Variants in TRPC4 observed in about 807,000 individuals in gnomAD.
TRPC4 encodes short transient receptor potential channel 4.
In TRPC4, 49 loss-of-function variants were observed where a neutral mutation model predicts 99.4. That is an observed-to-expected ratio of 0.49 (90% CI 0.39 to 0.63). The LOEUF (loss-of-function observed/expected upper bound fraction) is 0.63. TRPC4 is among the 20% of genes least tolerant of loss of function. TRPC4 has a pLI of 0.00. For missense variants in TRPC4, 898 were observed against 1,152.9 expected (o/e 0.78, Z 3.20); for synonymous variants, 454 against 425.9 (o/e 1.07, Z -0.81).
intron 1 of TRPC4, among the ~76,000 whole-genome samples, chr13:37,827,341 G>A (rs1238724433): frequency 1.3e-5 from 2 of 152,226 alleles, no homozygotes; most frequent in East Asian, 3.9e-4. Flanking sequence ...TCGAGGTGGA[G>A]AGGCGCTCTG....
intron 1 of TRPC4, among the ~76,000 whole-genome samples, chr13:37,820,153 C>G (rs2139526244): frequency 6.6e-6 from 1 of 152,002 alleles, no homozygotes; most frequent in East Asian, 1.9e-4. Context: ...TCCTTAGAGT[C>G]TATTTTAAAC....
At chr13:37,857,079 T>C (rs1959180221) in intron 1 of TRPC4, among the ~76,000 whole-genome samples, 1 of 151,480 alleles carries the variant, frequency 6.6e-6, no homozygotes, top group Non-Finnish European at 1.5e-5. Flanking sequence ...TTCAATAAAC[T>C]TGCAAGATAC....
intron 3 of TRPC4, among the ~76,000 whole-genome samples, chr13:37,722,708 A>G (rs1394496049): frequency 2.0e-5 from 3 of 152,342 alleles, no homozygotes; most frequent in Non-Finnish European, 4.4e-5. Flanking sequence ...CACATAAGCG[A>G]TAAATACATT....
At position 37,744,925 on chromosome 13, in the gene TRPC4, T is replaced by C. The variant is rs1042737969; in HGVS notation, c.897+1012A>G. Among the ~76,000 whole-genome samples, 7 of 152,132 alleles carry C rather than the reference T, an allele frequency of 4.6e-5. No homozygotes were observed. In the East Asian group the frequency reaches 1.4e-3, roughly 29 times the overall value. On this transcript the variant is annotated intron_variant, in intron 3 of 10. Transcript: ENST00000379705. ...CTGTTATTTAATACAGCATTTTTAA[T>C]ATATGGAAATTTTACAAGAAATTTA...
intron 1 of TRPC4, among the ~76,000 whole-genome samples, chr13:37,847,253 C>T (rs1480568999): frequency 1.3e-5 from 2 of 151,982 alleles, no homozygotes; most frequent in African/African-American, 4.8e-5. Context: ...TTCTCAAGTG[C>T]ATATGGAACA....
intron 1 of TRPC4, among the ~76,000 whole-genome samples, chr13:37,862,207 C>A (rs1959390901): frequency 6.6e-6 from 1 of 151,292 alleles, no homozygotes; most frequent in Non-Finnish European, 1.5e-5. Context: ...TGGTGAGAAT[C>A]CAGGTCATTA....
intron 10 of TRPC4, 107 bp from the exon 11 acceptor site, chr13:37,637,732 C>G: frequency 9.0e-7 from 1 of 1,108,088 alleles, no homozygotes; most frequent in Non-Finnish European, 1.3e-6. Context: ...TTTTTAAAAA[C>G]AAGGATTCTA....
At chr13:37,699,232 A>G (rs144519379) in intron 3 of TRPC4, among the ~76,000 whole-genome samples, 1,703 of 152,290 alleles carry the variant, frequency 0.011, 28 homozygotes, top group African/African-American at 0.039. Context: ...AGGTCATAGT[A>G]TATGTTCAAT....
Position 37,637,593 on chromosome 13 carries a change from A to C in TRPC4, c.2244T>G (p.Phe748Leu). The stretch of plus-strand genomic sequence containing the variant: ...TTCCTCTTAGTAATCCCAGGACTTC[A>C]AAGCGGAAACTAGAAATGTCTTGCT... The part of the protein sequence containing the change: ...ELKQDISSFR[F>L]EVLGLLRGSK... The change falls in exon 11 of 11, where the codon TTT (phenylalanine) becomes TTG (leucine). Residue 748 changes from phenylalanine (F) to leucine (L), a missense_variant. Around this residue, in one of 3 missense-constraint regions of TRPC4, gnomAD observed 346 missense variants for 351.4 expected, o/e 0.98. Transcript: ENST00000379705. 1 of 1,597,120 alleles carries C rather than the reference A, an allele frequency of 6.3e-7. No homozygotes were observed. The highest frequency in any genetic ancestry group is 1.1e-5 in the South Asian group (1 of 87,982).
chr13:37,837,456 C>A (rs1958597778), intron 1 of TRPC4, among the ~76,000 whole-genome samples: 1 of 152,226 alleles, frequency 6.6e-6, no homozygotes, highest in African/African-American at 2.4e-5. Flanking sequence ...CCTCTTACCT[C>A]AGCATGACCT....
At chr13:37,769,256 C>T (rs1956478922) in intron 2 of TRPC4, among the ~76,000 whole-genome samples, 2 of 151,354 alleles carry the variant, frequency 1.3e-5, no homozygotes, top group African/African-American at 4.8e-5. Context: ...CAAATATTCA[C>T]CAGGTGGCAG....
intron 3 of TRPC4, among the ~76,000 whole-genome samples, chr13:37,707,939 C>A (rs1177499786): frequency 2.6e-5 from 4 of 152,074 alleles, no homozygotes; most frequent in African/African-American, 9.7e-5. Flanking sequence ...TGTGCCTTTT[C>A]ACTTTGGACA....
intron 3 of TRPC4, among the ~76,000 whole-genome samples, chr13:37,738,678 A>G (rs74973632): frequency 6.6e-6 from 1 of 152,168 alleles, no homozygotes; most frequent in Non-Finnish European, 1.5e-5. Context: ...GAACAAAGGA[A>G]TAGGGCCAAC....
At chr13:37,738,142 A>G (rs1202298757) in intron 3 of TRPC4, among the ~76,000 whole-genome samples, 1 of 152,146 alleles carries the variant, frequency 6.6e-6, no homozygotes, top group African/African-American at 2.4e-5. Context: ...TAAAGAAATA[A>G]AAGCTCTGAG....
intron 1 of TRPC4, among the ~76,000 whole-genome samples, chr13:37,800,147 GCA>G (rs1231421030): frequency 6.6e-6 from 1 of 152,114 alleles, no homozygotes. Context: ...ATGTAAACTG[GCA>G]CATATTCTGT....
intron 3 of TRPC4, among the ~76,000 whole-genome samples, chr13:37,717,450 A>G (rs567088023): frequency 7.2e-5 from 11 of 152,244 alleles, no homozygotes; most frequent in Admixed American, 5.9e-4. Context: ...AGCCTGTCTG[A>G]ATCTCTGTCA....
intron 2 of TRPC4, among the ~76,000 whole-genome samples, chr13:37,763,761 A>T (rs957942812): frequency 2.0e-5 from 3 of 151,744 alleles, no homozygotes; most frequent in Non-Finnish European, 4.4e-5. Context: ...TAAATCAGGG[A>T]AGTAACATCA....
intron 3 of TRPC4, among the ~76,000 whole-genome samples, chr13:37,700,035 C>T (rs187983993): frequency 1.3e-5 from 2 of 152,142 alleles, no homozygotes; most frequent in East Asian, 1.9e-4. Flanking sequence ...GTAGGAAGGT[C>T]GAGTCAATAA....
intron 1 of TRPC4, among the ~76,000 whole-genome samples, chr13:37,789,911 A>T (rs1279537693): frequency 5.3e-5 from 8 of 152,170 alleles, no homozygotes; most frequent in Non-Finnish European, 4.4e-5. Flanking sequence ...AAATTAAGAC[A>T]TCTTAGAAAG....
Sources: allele counts gnomAD v4.1 joint callset (sites outside exome capture counted in the v4.1 genomes callset), GRCh38; gene constraint gnomAD v4.1.1; regional missense constraint gnomAD v4.1.1; transcripts MANE v1.5; gene names NCBI Gene and HGNC (gene_info 2026-07-23, HGNC 2026-07-21).